PCDH9: variants seen among roughly 807,000 people sequenced by gnomAD.
PCDH9 encodes protocadherin-9.
PCDH9 carries 24 observed loss-of-function variants against 70.6 expected under a neutral mutation model. That is an observed-to-expected ratio of 0.34 (90% CI 0.25 to 0.48). The LOEUF (loss-of-function observed/expected upper bound fraction) is 0.48, where lower values mean the gene tolerates loss of function less well. PCDH9 is among the 20% of genes least tolerant of loss of function. The probability of loss-of-function intolerance (pLI) is 0.99; values close to 1 mark genes in which losing one functional copy is unlikely to be tolerated. For missense variants in PCDH9, 1,281 were observed against 1,503.6 expected, an observed-to-expected ratio of 0.85 and a Z score of 2.45; for synonymous variants, 562 against 558.5, an observed-to-expected ratio of 1.01 and a Z score of -0.09.
chr13:66,821,155 A>T (rs1231258537), intron 3 of PCDH9, among the ~76,000 whole-genome samples: 1 of 152,156 alleles, frequency 6.6e-6, no homozygotes, highest in African/African-American at 2.4e-5. Flanking sequence ...ATTCTCTATT[A>T]TACAGTTATA....
At chr13:66,412,999 T>C (rs9599114) in intron 4 of PCDH9, among the ~76,000 whole-genome samples, 53,152 of 152,056 alleles carry the variant, frequency 0.35, 10,321 homozygotes, top group East Asian at 0.5. Flanking sequence ...AGATTTTGAT[T>C]AACAAGCCTT....
chr13:66,384,758 G>C (rs919178282), intron 4 of PCDH9, among the ~76,000 whole-genome samples: 7 of 152,032 alleles, frequency 4.6e-5, no homozygotes, highest in African/African-American at 1.7e-4. Flanking sequence ...TCCACCTCTC[G>C]GGCACCGGTG....
At chr13:66,595,024 T>C (rs1192497931) in intron 4 of PCDH9, among the ~76,000 whole-genome samples, 1 of 151,198 alleles carries the variant, frequency 6.6e-6, no homozygotes, top group Non-Finnish European at 1.5e-5. Flanking sequence ...TCCTAAGTCC[T>C]TTTTCTTTTC....
chr13:66,557,409 G>C (rs572178117), intron 4 of PCDH9, among the ~76,000 whole-genome samples: 1 of 151,972 alleles, frequency 6.6e-6, no homozygotes, highest in African/African-American at 2.4e-5. Context: ...AATAGTAAGC[G>C]TAGTCTATTT....
Position 66,458,343 on chromosome 13 carries a change from A to C in PCDH9, c.3341-153315T>G, listed in dbSNP as rs529039293. On this transcript the variant is annotated intron_variant, in intron 4 of 4. Coordinates refer to ENST00000377865, the MANE Select transcript of PCDH9 (RefSeq NM_203487.3). ...CATAGTATTTAGATTTAAAACCAACAATCTATTTTCAAAAGAATATTTTAT... is the reference window on the plus strand; with the variant it reads ...CATAGTATTTAGATTTAAAACCAACCATCTATTTTCAAAAGAATATTTTAT... Among the ~76,000 whole-genome samples the C allele has an allele frequency of 2.8e-4, 43 of 152,172 alleles. No homozygotes were observed. The South Asian group carries it at 8.7e-3, about 31-fold the overall frequency.
chr13:66,812,790 T>G (rs1018394390), intron 3 of PCDH9, among the ~76,000 whole-genome samples: 5 of 152,188 alleles, frequency 3.3e-5, no homozygotes, highest in African/African-American at 1.2e-4. Flanking sequence ...ATAGGTTTAT[T>G]TAGTTCCATC....
At chr13:66,561,125 G>T (rs1961999654) in intron 4 of PCDH9, among the ~76,000 whole-genome samples, 1 of 152,220 alleles carries the variant, frequency 6.6e-6, no homozygotes, top group Admixed American at 6.5e-5. Flanking sequence ...GCGAGTTCCG[G>T]GTGGCCGTGT....
At chr13:67,019,188 CTTTTT>C (rs60154161) in intron 2 of PCDH9, among the ~76,000 whole-genome samples, 5,333 of 102,686 alleles carry the variant, frequency 0.052, 183 homozygotes, top group African/African-American at 0.13. Flanking sequence ...GGCAGTTGCT[CTTTTT>C]TTTTTTTTTT....
At chr13:67,062,958 TAA>T (rs1462625497) in intron 2 of PCDH9, among the ~76,000 whole-genome samples, 1 of 152,124 alleles carries the variant, frequency 6.6e-6, no homozygotes, top group Non-Finnish European at 1.5e-5. Flanking sequence ...AAGCAGAGCC[TAA>T]GAGGTGAAAT....
At chr13:66,308,110 G>C (rs1026771543) in intron 4 of PCDH9, among the ~76,000 whole-genome samples, 3 of 152,026 alleles carry the variant, frequency 2.0e-5, no homozygotes, top group Admixed American at 2.0e-4. Context: ...GAAGTAAAAG[G>C]TGTCATTAAA....
rs1448554287 is a variant in PCDH9 at position 67,225,523 on chromosome 13, A to G, written c.2918T>C (p.Phe973Ser). Residue 973 changes from phenylalanine (F) to serine (S), a missense_variant, in exon 2 of 5, where the codon TTT (phenylalanine) becomes TCT (serine). Coordinates refer to ENST00000377865, the MANE Select transcript of PCDH9 (RefSeq NM_203487.3). ...AGAAAGGGTGTCACAACCCCCAACA[A>G]AGGTGTTGTCCAAAGGGAGTTCCTG... ...VIQELPLDNT[F>S]VGGCDTLSKR... 2 of 1,613,732 alleles carry G rather than the reference A, an allele frequency of 1.2e-6. No homozygotes were observed. The highest frequency in any genetic ancestry group is 1.7e-6 in the Non-Finnish European group (2 of 1,179,860).
Position 66,640,281 on chromosome 13 carries a change from C to T in PCDH9, c.3139-8870G>A, listed in dbSNP as rs1476982306. Among the ~76,000 whole-genome samples the T allele has an allele frequency of 2.0e-5, 3 of 152,148 alleles. 1 individual carries two copies. Among genetic ancestry groups the T allele is most frequent in the Non-Finnish European group, 4.4e-5 (3 of 68,014 alleles). On this transcript the variant is annotated intron_variant, in intron 3 of 4. Coordinates refer to ENST00000377865, the MANE Select transcript of PCDH9 (RefSeq NM_203487.3). ...TTTATAACAAAAATGGAATCTGATT[C>T]AGTGTCTACTACTCAAGAATTTGTC...
chr13:66,986,786 G>A (rs529740882), intron 2 of PCDH9, among the ~76,000 whole-genome samples: 1 of 151,908 alleles, frequency 6.6e-6, no homozygotes, highest in South Asian at 2.1e-4. Context: ...TGCTACACAA[G>A]ATGATTGTTT....
At chr13:66,642,718 T>TA (rs1221926950) in intron 3 of PCDH9, among the ~76,000 whole-genome samples, 1 of 151,994 alleles carries the variant, frequency 6.6e-6, no homozygotes, top group Non-Finnish European at 1.5e-5. Flanking sequence ...AATCATAAAG[T>TA]AAAAATGGCA....
chr13:66,602,808 C>A (rs1042771330), intron 4 of PCDH9, among the ~76,000 whole-genome samples: 1 of 145,852 alleles, frequency 6.9e-6, no homozygotes, highest in African/African-American at 2.5e-5. Flanking sequence ...AATTTAAATT[C>A]ATGGTGAATG....
At chr13:66,857,091 T>C (rs555418249) in intron 3 of PCDH9, among the ~76,000 whole-genome samples, 7 of 152,200 alleles carry the variant, frequency 4.6e-5, no homozygotes, top group Admixed American at 4.6e-4. Context: ...AATTTTTTAT[T>C]TAACTTTCTA....
intron 4 of PCDH9, among the ~76,000 whole-genome samples, chr13:66,353,526 T>C (rs1956327415): frequency 6.6e-6 from 1 of 152,146 alleles, no homozygotes; most frequent in Non-Finnish European, 1.5e-5. Flanking sequence ...AGATTATTGC[T>C]TGAAAGTGCT....
intron 2 of PCDH9, among the ~76,000 whole-genome samples, chr13:67,077,715 C>T (rs1018290486): frequency 1.3e-5 from 2 of 152,072 alleles, no homozygotes; most frequent in Non-Finnish European, 2.9e-5. Flanking sequence ...TATTATCTCA[C>T]CCCAATATTT....
At chr13:66,525,334 C>T (rs979973326) in intron 4 of PCDH9, among the ~76,000 whole-genome samples, 3 of 152,090 alleles carry the variant, frequency 2.0e-5, no homozygotes, top group African/African-American at 4.8e-5. Context: ...TTTCTGCTTT[C>T]ATGTGTTTAG....
Sources: allele counts gnomAD v4.1 joint callset (sites outside exome capture counted in the v4.1 genomes callset), GRCh38; gene constraint gnomAD v4.1.1; transcripts MANE v1.5; gene names NCBI Gene and HGNC (gene_info 2026-07-23, HGNC 2026-07-21).